Variants in INTS9 observed in about 807,000 individuals in gnomAD.
INTS9 encodes the protein protein related to CPSF subunits of 74 kDa.
INTS9 carries 55 observed loss-of-function variants against 79.7 expected under a neutral mutation model. The observed-to-expected ratio is 0.69, with a 90% confidence interval of 0.56 to 0.86. The LOEUF is 0.86. Among genes scored for constraint, INTS9 ranks in the 40% least tolerant of loss-of-function variants. The pLI, the probability that INTS9 is intolerant of heterozygous loss-of-function variation, is 0.00. For synonymous variants in INTS9, 319 were observed against 325.2 expected, an observed-to-expected ratio of 0.98 and a Z score of 0.20; for missense variants, 721 against 831.5, an observed-to-expected ratio of 0.87 and a Z score of 1.64.
intron 1 of INTS9, among the ~76,000 whole-genome samples, chr8:28,864,868 C>T (rs1808650768): frequency 6.6e-6 from 1 of 151,868 alleles, no homozygotes; most frequent in African/African-American, 2.4e-5. Context: ...CACCTGTAAT[C>T]CCAGCTACCC....
chr8:28,869,261 C>T (rs778114661), intron 1 of INTS9, among the ~76,000 whole-genome samples: 16 of 152,060 alleles, frequency 1.1e-4, no homozygotes, highest in Non-Finnish European at 1.8e-4. Context: ...AGGCTGGTGT[C>T]GAACTTCTGG....
intron 1 of INTS9, 163 bp from the exon 2 acceptor site, chr8:28,859,726 TC>T: frequency 1.3e-6 from 1 of 765,656 alleles, no homozygotes; most frequent in Non-Finnish European, 2.2e-6. Flanking sequence ...GGGACTACTT[TC>T]CCTAGCCGTT....
chr8:28,871,475 G>T (rs1809091155), intron 1 of INTS9, among the ~76,000 whole-genome samples: 1 of 152,020 alleles, frequency 6.6e-6, no homozygotes. Flanking sequence ...TATGATTACG[G>T]CTCACCGCAG....
chr8:28,770,943 G>C (rs935790077), intron 15 of INTS9, 39 bp downstream of exon 15: 50 of 1,440,848 alleles, frequency 3.5e-5, no homozygotes, highest in Non-Finnish European at 4.7e-5. Context: ...TTTCTTGCTG[G>C]GGAGAGGGTC....
At chr8:28,846,369 C>CTGGCACTGGCTAAATAA in intron 4 of INTS9, among the ~76,000 whole-genome samples, 1 of 152,154 alleles carries the variant, frequency 6.6e-6, no homozygotes, top group East Asian at 1.9e-4. Flanking sequence ...TTACAGTTTA[C>CTGGCACTGGCTAAATAA]TAGCAATTGT....
intron 14 of INTS9, among the ~76,000 whole-genome samples, chr8:28,774,662 A>G (rs1267497009): frequency 6.6e-6 from 1 of 152,202 alleles, no homozygotes; most frequent in Non-Finnish European, 1.5e-5. Context: ...CTCCAACCCA[A>G]GGTCTGGAGG....
At chr8:28,812,501 A>G in intron 7 of INTS9, 40 bp from the exon 8 acceptor site, 2 of 1,590,454 alleles carry the variant, frequency 1.3e-6, no homozygotes, top group African/African-American at 1.3e-5. Flanking sequence ...ATGAGCTTAC[A>G]GTGACAGTCA....
At chr8:28,869,893 C>A (rs1159207217) in intron 1 of INTS9, among the ~76,000 whole-genome samples, 2 of 151,968 alleles carry the variant, frequency 1.3e-5, no homozygotes, top group African/African-American at 4.8e-5. Context: ...AGGGCTGCTC[C>A]CTCACACTCA....
intron 1 of INTS9, among the ~76,000 whole-genome samples, chr8:28,879,804 T>A (rs1809597998): frequency 6.6e-6 from 1 of 152,102 alleles, no homozygotes; most frequent in Non-Finnish European, 1.5e-5. Flanking sequence ...TGAAAGAAGA[T>A]GTCTTAGCCA....
At chr8:28,779,611 A>C (rs960975555) in intron 12 of INTS9, among the ~76,000 whole-genome samples, 1 of 152,210 alleles carries the variant, frequency 6.6e-6, no homozygotes, top group Admixed American at 6.5e-5. Context: ...ATGACCCTGC[A>C]TCCTGACGCC....
chr8:28,769,079 G>A (rs920939238), intron 16 of INTS9, among the ~76,000 whole-genome samples: 2 of 152,216 alleles, frequency 1.3e-5, no homozygotes, highest in African/African-American at 4.8e-5. Context: ...GAGGGTGGAA[G>A]AGAGCCGCAA....
intron 10 of INTS9, 25 bp downstream of exon 10, chr8:28,793,782 A>C (rs755449018): frequency 0.065 from 73,157 of 1,128,308 alleles, 28 homozygotes; most frequent in Non-Finnish European, 0.074. Context: ...AAATTCACAA[A>C]AAAAAAAAAA....
chr8:28,881,873 G>A (rs1385749617), intron 1 of INTS9, among the ~76,000 whole-genome samples: 15 of 145,968 alleles, frequency 1.0e-4, no homozygotes, highest in African/African-American at 3.8e-4. Context: ...CCATCCGGGA[G>A]GTGAGGGGCG....
At chr8:28,853,358 A>T (rs1486796554) in intron 2 of INTS9, among the ~76,000 whole-genome samples, 1 of 151,816 alleles carries the variant, frequency 6.6e-6, no homozygotes, top group Non-Finnish European at 1.5e-5. Context: ...GGTTGCAGTG[A>T]GCCAAGATGG....
chr8:28,780,755 C>T (rs1803207337), intron 12 of INTS9, 68 bp downstream of exon 12: 2 of 1,576,932 alleles, frequency 1.3e-6, no homozygotes, highest in African/African-American at 1.3e-5. Flanking sequence ...GGGTCTCTAC[C>T]TTGTAGGTGC....
chr8:28,889,059 GT>G (rs1365758117), intron 1 of INTS9, among the ~76,000 whole-genome samples: 2 of 152,080 alleles, frequency 1.3e-5, no homozygotes, highest in African/African-American at 4.8e-5. Flanking sequence ...ACAAATATGG[GT>G]TTTAAAAGGT....
intron 6 of INTS9, among the ~76,000 whole-genome samples, chr8:28,833,823 C>T (rs1280099167): frequency 6.6e-6 from 1 of 152,082 alleles, no homozygotes; most frequent in East Asian, 1.9e-4. Context: ...CAGGGGTACT[C>T]TGTTGCCAAT....
intron 2 of INTS9, among the ~76,000 whole-genome samples, chr8:28,857,575 A>G (rs1216490635): frequency 6.6e-6 from 1 of 152,262 alleles, no homozygotes; most frequent in East Asian, 1.9e-4. Context: ...GGAAAAGTCC[A>G]AGACAAACCA....
intron 1 of INTS9, 99 bp downstream of exon 1, chr8:28,889,775 C>G: frequency 7.4e-7 from 1 of 1,343,888 alleles, no homozygotes; most frequent in Non-Finnish European, 1.0e-6. Context: ...ATAATTGCTA[C>G]CCCTCCCGTG....
Sources: gnomAD v4.1 joint callset for allele counts (sites outside exome capture counted in the v4.1 genomes callset) on GRCh38, gnomAD v4.1.1 for gene constraint, MANE v1.5 for transcripts, NCBI Gene and HGNC (gene_info 2026-07-23, HGNC 2026-07-21) for gene names.